The following DPP6 variants were observed in gnomAD, a reference collection of about 807,000 sequenced individuals.
DPP6 encodes dipeptidyl peptidase like 6, also known as A-type potassium channel modulatory protein DPP6.
DPP6 carries 69 observed loss-of-function variants against 122.6 expected under a neutral mutation model. That is an observed-to-expected ratio of 0.56 (90% CI 0.46 to 0.69). DPP6 has a LOEUF of 0.69. DPP6 is among the 30% of genes least tolerant of loss of function. The pLI, the probability that DPP6 is intolerant of heterozygous loss-of-function variation, is 0.00. For missense variants in DPP6, 928 were observed against 1,116.9 expected (o/e 0.83, Z 2.41); for synonymous variants, 418 against 433.1 (o/e 0.97, Z 0.43).
At chr7:153,820,986 G>A in the DPP6 span, among the ~76,000 whole-genome samples, 161 of 149,580 alleles carry the variant, frequency 1.1e-3, no homozygotes, top group Non-Finnish European at 2.1e-3. Flanking sequence ...CGGCAAAATT[G>A]CTTTTCTCTG....
intron 5 of DPP6, among the ~76,000 whole-genome samples, chr7:154,621,299 A>C (rs923374179): frequency 6.6e-6 from 1 of 152,182 alleles, no homozygotes; most frequent in Non-Finnish European, 1.5e-5. Flanking sequence ...ATATAACCCT[A>C]TGTGTAATTA....
chr7:153,927,277 C>G (rs1359687718), intron 1 of DPP6, among the ~76,000 whole-genome samples: 3 of 152,174 alleles, frequency 2.0e-5, no homozygotes, highest in African/African-American at 4.8e-5. Context: ...CGTGCCACTG[C>G]ACTCTAGCCT....
chr7:153,894,507 A>G (rs945651181), intron 1 of DPP6, among the ~76,000 whole-genome samples: 25 of 152,188 alleles, frequency 1.6e-4, no homozygotes, highest in African/African-American at 6.0e-4. Flanking sequence ...CGGGAAGTAG[A>G]AGTTTCAAAA....
intron 1 of DPP6, among the ~76,000 whole-genome samples, chr7:154,335,725 C>G (rs538352746): frequency 2.6e-5 from 4 of 152,034 alleles, no homozygotes; most frequent in Non-Finnish European, 4.4e-5. Context: ...GTGACTGATG[C>G]GCTGTGTTCT....
At chr7:154,196,419 G>T (rs1585604893) in intron 1 of DPP6, among the ~76,000 whole-genome samples, 1 of 152,338 alleles carries the variant, frequency 6.6e-6, no homozygotes, top group African/African-American at 2.4e-5. Flanking sequence ...GAACCCAGGA[G>T]GTGGAGGTTG....
intron 20 of DPP6, among the ~76,000 whole-genome samples, chr7:154,878,985 T>C (rs922244065): frequency 6.6e-6 from 1 of 152,214 alleles, no homozygotes; most frequent in Non-Finnish European, 1.5e-5. Context: ...TGAAAGATAC[T>C]GAAAACACAG....
chr7:154,730,099 T>C (rs1032664377), intron 8 of DPP6, among the ~76,000 whole-genome samples: 1 of 152,206 alleles, frequency 6.6e-6, no homozygotes, highest in African/African-American at 2.4e-5. Context: ...ATGAGGACTC[T>C]AAAGCCCCTT....
At chr7:153,880,785 A>G in the DPP6 span, among the ~76,000 whole-genome samples, 1 of 152,252 alleles carries the variant, frequency 6.6e-6, no homozygotes, top group Admixed American at 6.5e-5. Flanking sequence ...TACCTGAAAT[A>G]GAAGACCAAC....
chr7:154,328,822 C>T (rs562315411), intron 1 of DPP6, among the ~76,000 whole-genome samples: 15 of 152,174 alleles, frequency 9.9e-5, no homozygotes, highest in African/African-American at 3.6e-4. Context: ...CACACTTTGA[C>T]AGACACAGTG....
chr7:153,806,071 C>A, the DPP6 span, among the ~76,000 whole-genome samples: 2 of 151,854 alleles, frequency 1.3e-5, no homozygotes, highest in Admixed American at 1.3e-4. Flanking sequence ...GATCACATAT[C>A]TGACGTCAGG....
chr7:153,891,969 A>G (rs1204067924), intron 1 of DPP6, among the ~76,000 whole-genome samples: 1 of 152,146 alleles, frequency 6.6e-6, no homozygotes, highest in African/African-American at 2.4e-5. Flanking sequence ...TTTAAATGAA[A>G]GTGGCTGTCT....
chr7:154,552,941 C>T (rs116813340), intron 4 of DPP6, among the ~76,000 whole-genome samples: 1,609 of 152,266 alleles, frequency 0.011, 33 homozygotes, highest in African/African-American at 0.036. Context: ...TACAAATAAT[C>T]AGCCACATCA....
At chr7:153,989,279 G>A (rs1422957238) in intron 1 of DPP6, among the ~76,000 whole-genome samples, 1 of 146,302 alleles carries the variant, frequency 6.8e-6, no homozygotes, top group Non-Finnish European at 1.5e-5. Flanking sequence ...GTGGGTGAAT[G>A]TGTGCGTGAC....
intron 16 of DPP6, among the ~76,000 whole-genome samples, chr7:154,851,062 A>T (rs572080398): frequency 6.6e-6 from 1 of 152,356 alleles, no homozygotes; most frequent in South Asian, 2.1e-4. Context: ...CATTTTAGCA[A>T]CATTTAGGTT....
intron 16 of DPP6, among the ~76,000 whole-genome samples, chr7:154,842,190 G>A (rs991716843): frequency 2.0e-5 from 3 of 152,222 alleles, no homozygotes; most frequent in African/African-American, 4.8e-5. Flanking sequence ...GCTCACAGCT[G>A]TTCTTTGAAA....
intron 3 of DPP6, among the ~76,000 whole-genome samples, chr7:154,496,297 G>A (rs1173300585): frequency 6.6e-6 from 1 of 152,114 alleles, no homozygotes; most frequent in East Asian, 1.9e-4. Flanking sequence ...CTGTCTAAAA[G>A]GAATGAGTTA....
In DPP6 at chr7:154,884,440, T is replaced by TACACATGCTC. The variant is rs1257826433; in HGVS notation, c.2134-1189_2134-1180dup. ...ACACATGCTCCCACATGCTCACCTA[T>TACACATGCTC]ACACATGCTCACATACACACGAGTA... On this transcript the variant is annotated intron_variant, in intron 21 of 25. Transcript: ENST00000377770. 5.8e-5 allele frequency: 6 copies of TACACATGCTC among 103,784 alleles called. No homozygotes were observed. The East Asian group carries it at 2.4e-3, about 42-fold the overall frequency. The allele number at this position is 103,784 out of a possible 1,614,324, so 6.4% of individuals were successfully genotyped here.
intron 1 of DPP6, among the ~76,000 whole-genome samples, chr7:154,416,465 A>C (rs2151217327): frequency 6.6e-6 from 1 of 152,312 alleles, no homozygotes; most frequent in East Asian, 1.9e-4. Context: ...AGAGAGAGAA[A>C]CCACAGTCAC....
At chr7:154,204,085 G>A (rs1005633906) in intron 1 of DPP6, among the ~76,000 whole-genome samples, 11 of 152,256 alleles carry the variant, frequency 7.2e-5, no homozygotes, top group Admixed American at 3.3e-4. Flanking sequence ...TTCCTCTTAC[G>A]TGCATTTACC....
Sources: gnomAD v4.1 joint callset for allele counts (sites outside exome capture counted in the v4.1 genomes callset) on GRCh38, gnomAD v4.1.1 for gene constraint, MANE v1.5 for transcripts, NCBI Gene and HGNC (gene_info 2026-07-23, HGNC 2026-07-21) for gene names.